Variants in ITPR1 observed in about 807,000 individuals in gnomAD.
ITPR1 encodes the protein inositol 1,4,5-trisphosphate receptor type 1.
ITPR1 carries 96 observed loss-of-function variants against 318.4 expected under a neutral mutation model. That is an observed-to-expected ratio of 0.30 (90% CI 0.26 to 0.36). The LOEUF is 0.36. Among genes scored for constraint, ITPR1 ranks in the 10% least tolerant of loss-of-function variants. The probability of loss-of-function intolerance (pLI) is 1.00; values close to 1 mark genes in which losing one functional copy is unlikely to be tolerated. For missense variants in ITPR1, 2,440 were observed against 3,460.2 expected (o/e 0.71, Z 7.40); for synonymous variants, 1,312 against 1,289.9 (o/e 1.02, Z -0.37).
chr3:4,630,128 T>C (rs897893764), intron 5 of ITPR1, among the ~76,000 whole-genome samples: 24 of 152,126 alleles, frequency 1.6e-4, no homozygotes, highest in African/African-American at 5.6e-4. Context: ...ATATAGTAAA[T>C]TGAATACTCT....
intron 61 of ITPR1, among the ~76,000 whole-genome samples, chr3:4,841,558 A>C (rs527415649): frequency 6.6e-6 from 1 of 152,268 alleles, no homozygotes; most frequent in Non-Finnish European, 1.5e-5. Flanking sequence ...TCTGCCTTCA[A>C]GAACTAAAAG....
intron 44 of ITPR1, among the ~76,000 whole-genome samples, chr3:4,741,690 G>A (rs896176307): frequency 2.6e-5 from 4 of 152,196 alleles, no homozygotes; most frequent in African/African-American, 9.7e-5. Flanking sequence ...TTAGCAAAGA[G>A]ATGAGGGCGG....
intron 60 of ITPR1, among the ~76,000 whole-genome samples, chr3:4,821,251 G>A (rs2049697666): frequency 1.3e-5 from 2 of 152,212 alleles, no homozygotes; most frequent in African/African-American, 4.8e-5. Flanking sequence ...AATACCTCTT[G>A]CCTAACTGCA....
chr3:4,777,074 A>C (rs1273785146), intron 47 of ITPR1, among the ~76,000 whole-genome samples, 190 bp from the exon 48 acceptor site: 1 of 152,232 alleles, frequency 6.6e-6, no homozygotes, highest in Non-Finnish European at 1.5e-5. Context: ...GTTTACTGTT[A>C]ATTCTGAAAC....
intron 4 of ITPR1, among the ~76,000 whole-genome samples, chr3:4,535,426 C>CTT (rs995497312): frequency 2.7e-5 from 3 of 112,260 alleles, no homozygotes; most frequent in Admixed American, 9.5e-5. Context: ...AAATTATTTT[C>CTT]TTTTTTTTTT....
intron 4 of ITPR1, among the ~76,000 whole-genome samples, chr3:4,535,091 T>G (rs1319870586): frequency 6.6e-6 from 1 of 151,378 alleles, no homozygotes. Flanking sequence ...TAATTAAATA[T>G]TATACAAGGA....
chr3:4,767,806 C>A (rs2045917322), intron 45 of ITPR1, among the ~76,000 whole-genome samples: 1 of 152,210 alleles, frequency 6.6e-6, no homozygotes, highest in South Asian at 2.1e-4. Context: ...AGCCACTGCG[C>A]TGGACTGTTC....
chr3:4,626,347 C>A (rs1041571614), intron 4 of ITPR1, among the ~76,000 whole-genome samples: 1 of 152,084 alleles, frequency 6.6e-6, no homozygotes, highest in Non-Finnish European at 1.5e-5. Context: ...TTCATATTAT[C>A]ATTAATACCT....
In ITPR1 at chr3:4,610,879, C is replaced by G. The variant is rs147049781; in HGVS notation, c.164-16884C>G. 9.1e-3 allele frequency among the ~76,000 whole-genome samples: 1,316 copies of G among 144,024 alleles called. 21 individuals carry two copies. Among genetic ancestry groups the G allele is most frequent in the African/African-American group, 0.033 (1,249 of 38,196 alleles). The allele number at this position is 144,024 out of a possible 152,430, so 94.5% of individuals were successfully genotyped here. ...CTGTTCCCTTTCCCTTTCCTTTCCTCTCTCTCCCCTTCCCCCTTCCCCCCC... is the reference window on the plus strand; with the variant it reads ...CTGTTCCCTTTCCCTTTCCTTTCCTGTCTCTCCCCTTCCCCCTTCCCCCCC... On this transcript the variant is annotated intron_variant, in intron 4 of 61. Transcript: ENST00000649015.
chr3:4,729,719 T>G (rs982068611), intron 42 of ITPR1, among the ~76,000 whole-genome samples: 3 of 152,220 alleles, frequency 2.0e-5, no homozygotes, highest in Non-Finnish European at 2.9e-5. Context: ...CTACCAATTT[T>G]CATTGTTTTA....
At chr3:4,508,139 G>A (rs1480342603) in intron 2 of ITPR1, among the ~76,000 whole-genome samples, 4 of 152,118 alleles carry the variant, frequency 2.6e-5, no homozygotes, top group African/African-American at 9.7e-5. Flanking sequence ...TTTCATTTAA[G>A]GTCAGACTGT....
intron 60 of ITPR1, among the ~76,000 whole-genome samples, chr3:4,828,905 A>C (rs1397834594): frequency 6.6e-6 from 1 of 152,204 alleles, no homozygotes; most frequent in Non-Finnish European, 1.5e-5. Flanking sequence ...CATGTGGCTT[A>C]GCTGGTAAAA....
intron 2 of ITPR1, among the ~76,000 whole-genome samples, chr3:4,502,676 T>C (rs1158704305): frequency 2.6e-5 from 4 of 152,002 alleles, no homozygotes; most frequent in Admixed American, 6.6e-5. Context: ...CTTGACCTCA[T>C]GACCTGCCCA....
At chr3:4,510,009 G>T (rs568194335) in intron 2 of ITPR1, among the ~76,000 whole-genome samples, 1 of 152,324 alleles carries the variant, frequency 6.6e-6, no homozygotes. Flanking sequence ...TAGGACAGTG[G>T]TAGTGGACCC....
chr3:4,550,672 G>C (rs1192520311), intron 4 of ITPR1, among the ~76,000 whole-genome samples: 1 of 152,092 alleles, frequency 6.6e-6, no homozygotes, highest in African/African-American at 2.4e-5. Flanking sequence ...TTGAAACTAG[G>C]GGTTTGAAAC....
At position 4,826,602 on chromosome 3, in the gene ITPR1, A is replaced by C. The variant is rs955097998; in HGVS notation, c.8028+8360A>C. Among the ~76,000 whole-genome samples, 29 of 152,210 alleles carry C rather than the reference A, an allele frequency of 1.9e-4. No homozygotes were observed. Among genetic ancestry groups the C allele is most frequent in the African/African-American group, 6.5e-4 (27 of 41,448 alleles). On this transcript the variant is annotated intron_variant, in intron 60 of 61. Transcript: ENST00000649015. The surrounding 1 kb of genome is among the most constrained non-coding windows in gnomAD (Gnocchi z 4.2). Reference sequence around the variant, plus strand: ...GTGCACTTGGGCTTGGGTTCGTGTCAGTGGCAGCTGCACAAAGCAGTTGCT... The same window carrying C: ...GTGCACTTGGGCTTGGGTTCGTGTCCGTGGCAGCTGCACAAAGCAGTTGCT...
At chr3:4,775,181 A>T in intron 46 of ITPR1, 61 bp from the exon 47 acceptor site, 1 of 1,194,438 alleles carries the variant, frequency 8.4e-7, no homozygotes, top group Non-Finnish European at 1.3e-6. Flanking sequence ...TGGCAGGATG[A>T]ATAACGTTTC....
chr3:4,637,066 G>T (rs984800022), intron 5 of ITPR1, among the ~76,000 whole-genome samples: 1 of 152,198 alleles, frequency 6.6e-6, no homozygotes, highest in Non-Finnish European at 1.5e-5. Flanking sequence ...TTAAAGATGA[G>T]CTCTTTGATC....
At position 4,814,458 on chromosome 3, in the gene ITPR1, G is replaced by T. The variant is rs1157520156; in HGVS notation, c.7597G>T (p.Glu2533Ter). The T allele has an allele frequency of 6.2e-7, 1 of 1,613,826 alleles. No individual in the cohort carries two copies. Among genetic ancestry groups the T allele is most frequent in the Non-Finnish European group, 8.5e-7 (1 of 1,179,890 alleles). Residue 2533 changes from glutamate (E) to a stop codon, truncating the protein, a stop_gained, in exon 58 of 62, where the codon GAG becomes TAG. Transcript: ENST00000649015. LOFTEE classifies it high-confidence loss of function. Reference protein sequence around the residue: ...VPAEETEQDKEHTCETLLMCI... With the variant: ...VPAEETEQDK Reference sequence around the variant, plus strand: ...TGCAGAAGAGACGGAACAGGATAAAGAGCACACATGTGAGACGCTGCTGAT... The same window carrying T: ...TGCAGAAGAGACGGAACAGGATAAATAGCACACATGTGAGACGCTGCTGAT...
Sources: allele counts gnomAD v4.1 joint callset (sites outside exome capture counted in the v4.1 genomes callset), GRCh38; gene constraint gnomAD v4.1.1; non-coding constraint Gnocchi (gnomAD v3.1); transcripts MANE v1.5; gene names NCBI Gene and HGNC (gene_info 2026-07-23, HGNC 2026-07-21).